Variants in ZFYVE9 observed in about 807,000 individuals in gnomAD.
ZFYVE9 encodes zinc finger FYVE domain-containing protein 9.
ZFYVE9 carries 43 observed loss-of-function variants against 126.7 expected under a neutral mutation model. The observed-to-expected ratio is 0.34, with a 90% CI of 0.27 to 0.44. The LOEUF (loss-of-function observed/expected upper bound fraction) is 0.44, where lower values mean the gene tolerates loss of function less well. ZFYVE9 is among the 20% of genes least tolerant of loss of function. The pLI is 1.00. For missense variants in ZFYVE9, 1,476 were observed against 1,697.0 expected (o/e 0.87, Z 2.29); for synonymous variants, 521 against 597.4 (o/e 0.87, Z 1.87).
chr1:52,208,184 A>C (rs1187882445), intron 1 of ZFYVE9, among the ~76,000 whole-genome samples: 1 of 152,084 alleles, frequency 6.6e-6, no homozygotes, highest in Non-Finnish European at 1.5e-5. Flanking sequence ...TAAAATAAAT[A>C]ATAGAACATG....
chr1:52,237,649 G>C lies in ZFYVE9; in HGVS notation c.232G>C (p.Ala78Pro). 6.2e-7 allele frequency: 1 copy of C among 1,614,096 alleles called. No individual in the cohort carries two copies. Among genetic ancestry groups the C allele is most frequent in the Middle Eastern group, 1.6e-4 (1 of 6,062 alleles). Residue 78 changes from alanine (A) to proline (P), a missense_variant, in exon 4 of 19, where the codon GCT (alanine) becomes CCT (proline). Transcript: ENST00000287727. The stretch of plus-strand genomic sequence containing the variant: ...GAAAGTCTTCTCCCTGGCTCATTCA[G>C]CTCCCCTGACCACAGAGGAAGAGGA... ...QLKVFSLAHS[A>P]PLTTEEEDHC...
chr1:52,340,481 A>T (rs1457046256), intron 17 of ZFYVE9, among the ~76,000 whole-genome samples: 1 of 152,248 alleles, frequency 6.6e-6, no homozygotes, highest in Admixed American at 6.5e-5. Flanking sequence ...GGAACTCCAG[A>T]AGAGTAGATC....
At chr1:52,332,159 G>A (rs1461357887) in intron 13 of ZFYVE9, among the ~76,000 whole-genome samples, 4 of 151,696 alleles carry the variant, frequency 2.6e-5, no homozygotes, top group African/African-American at 9.7e-5. Flanking sequence ...ACATCAAGGT[G>A]AGTTCTTACA....
At chr1:52,169,113 C>A (rs1448251016) in intron 1 of ZFYVE9, among the ~76,000 whole-genome samples, 1 of 152,240 alleles carries the variant, frequency 6.6e-6, no homozygotes, top group South Asian at 2.1e-4. Context: ...AAAATTGTAA[C>A]CCCCTAGTCG....
chr1:52,245,634 G>T (rs1645377372), intron 4 of ZFYVE9, among the ~76,000 whole-genome samples: 1 of 152,090 alleles, frequency 6.6e-6, no homozygotes, highest in African/African-American at 2.4e-5. Flanking sequence ...TCAAACTCAG[G>T]GACTTTGACT....
chr1:52,262,622 C>G (rs1009622435), intron 4 of ZFYVE9, among the ~76,000 whole-genome samples: 8 of 152,122 alleles, frequency 5.3e-5, no homozygotes, highest in African/African-American at 7.2e-5. Context: ...TCGAGCTTAA[C>G]TTAGACTTTA....
chr1:52,168,601 T>C (rs1038273244), intron 1 of ZFYVE9, among the ~76,000 whole-genome samples: 1 of 151,782 alleles, frequency 6.6e-6, no homozygotes, highest in Non-Finnish European at 1.5e-5. Flanking sequence ...CACTGTGGCC[T>C]TGACCTCAGG....
chr1:52,318,419 T>TGTGTGTGTGTGTG (rs1646207467), intron 13 of ZFYVE9, among the ~76,000 whole-genome samples: 1 of 149,030 alleles, frequency 6.7e-6, no homozygotes, highest in African/African-American at 2.5e-5. Flanking sequence ...TGTGTGTATC[T>TGTGTGTGTGTGTG]TGGCAATCTA....
chr1:52,277,017 G>T (rs993651567), intron 8 of ZFYVE9, among the ~76,000 whole-genome samples: 3 of 152,196 alleles, frequency 2.0e-5, no homozygotes, highest in African/African-American at 7.2e-5. Context: ...TTCACATACA[G>T]TTAAGCATTC....
At chr1:52,162,738 C>T (rs1644474297) in intron 1 of ZFYVE9, 1 of 302,030 alleles carries the variant, frequency 3.3e-6, no homozygotes, top group South Asian at 5.6e-5. Context: ...ATGACTTCGG[C>T]TCCTTCACTG....
At chr1:52,250,675 C>CT (rs1350726597) in intron 4 of ZFYVE9, among the ~76,000 whole-genome samples, 1 of 150,870 alleles carries the variant, frequency 6.6e-6, no homozygotes, top group African/African-American at 2.4e-5. Context: ...AGTATGTATC[C>CT]TTGTCTTGTT....
At position 52,238,692 on chromosome 1, in the gene ZFYVE9, T is replaced by C. The variant is rs3790524; in HGVS notation, c.1275T>C (p.Ile425=). The change falls in exon 4 of 19, where the codon ATT becomes ATC. Residue 425 remains isoleucine (I), a synonymous_variant. Transcript: ENST00000287727. The stretch of plus-strand genomic sequence containing the variant: ...AAGAAAAGGAAAAGTTTCTACAGAT[T>C]AGTCAGCCTGAGGACACTAATGGTG... ...VNEEKEKFLQ[I]SQPEDTNGDS... The C allele has an allele frequency of 1.5e-3, 2,470 of 1,614,112 alleles. 44 individuals carry two copies. In the East Asian group the frequency reaches 0.043, roughly 28 times the overall value.
chr1:52,339,387 A>G (rs1258649855), intron 16 of ZFYVE9, among the ~76,000 whole-genome samples: 1 of 151,904 alleles, frequency 6.6e-6, no homozygotes, highest in Non-Finnish European at 1.5e-5. Context: ...TCCCAGGTTC[A>G]AGGTGATTCT....
At chr1:52,223,906 T>A (rs181688178) in intron 2 of ZFYVE9, among the ~76,000 whole-genome samples, 2 of 152,276 alleles carry the variant, frequency 1.3e-5, no homozygotes, top group African/African-American at 4.8e-5. Flanking sequence ...TTCTTTCCTT[T>A]CCTGAGAAGA....
chr1:52,329,628 G>A (rs902876699), intron 13 of ZFYVE9, among the ~76,000 whole-genome samples: 6 of 152,116 alleles, frequency 3.9e-5, no homozygotes, highest in Admixed American at 2.6e-4. Flanking sequence ...CATATCGGCC[G>A]GGCGCGGTGG....
chr1:52,188,293 AAG>A (rs1360301196), intron 1 of ZFYVE9, among the ~76,000 whole-genome samples: 5 of 152,178 alleles, frequency 3.3e-5, no homozygotes, highest in East Asian at 3.8e-4. Flanking sequence ...CACAGACACA[AAG>A]AGGGGAACAA....
At chr1:52,188,356 A>G (rs368889436) in intron 1 of ZFYVE9, among the ~76,000 whole-genome samples, 1 of 152,196 alleles carries the variant, frequency 6.6e-6, no homozygotes, top group Non-Finnish European at 1.5e-5. Flanking sequence ...GGAGAAGATC[A>G]GAAAAAATAA....
intron 1 of ZFYVE9, among the ~76,000 whole-genome samples, chr1:52,166,557 T>A (rs916625780): frequency 6.6e-6 from 1 of 152,182 alleles, no homozygotes; most frequent in Non-Finnish European, 1.5e-5. Context: ...ATATCCTTCA[T>A]GATTTTTCAT....
Position 52,281,703 on chromosome 1 carries a change from A to C in ZFYVE9, c.2912A>C (p.His971Pro). ...KCWCFTTKGM[H>P]AVGQSEIVIL... is the part of the protein sequence containing the mutation. ...TGGTGTTTCACAACCAAGGGAATGC[A>C]TGCAGTGGGTCAGTCTGAGATAGTC... The change falls in exon 10 of 19, where the codon CAT (histidine) becomes CCT (proline). Residue 971 changes from histidine to proline, a missense_variant. His to Pro is a moderately conservative substitution (Grantham distance 77, BLOSUM62 -2). Transcript: ENST00000287727. The C allele has an allele frequency of 6.2e-7, 1 of 1,614,182 alleles. No homozygotes were observed. Among genetic ancestry groups the C allele is most frequent in the Non-Finnish European group, 8.5e-7 (1 of 1,180,018 alleles).
Sources: gnomAD v4.1 joint callset for allele counts (sites outside exome capture counted in the v4.1 genomes callset) on GRCh38, gnomAD v4.1.1 for gene constraint, MANE v1.5 for transcripts, NCBI Gene and HGNC (gene_info 2026-07-23, HGNC 2026-07-21) for gene names.